The following RASAL2 variants were observed in gnomAD, a reference collection of about 807,000 sequenced individuals.
The protein encoded by RASAL2 is RAS protein activator like 2, also known as ras GTPase-activating protein nGAP.
A neutral mutation model predicts 128.9 loss-of-function variants in RASAL2; 58 were observed. The observed-to-expected ratio is 0.45, with a 90% CI of 0.36 to 0.56. The LOEUF is 0.56. Among genes scored for constraint, RASAL2 ranks in the 20% least tolerant of loss-of-function variants. The pLI is 0.00. For synonymous variants in RASAL2, 561 were observed against 580.8 expected, an observed-to-expected ratio of 0.97 and a Z score of 0.49; for missense variants, 1,360 against 1,601.6, an observed-to-expected ratio of 0.85 and a Z score of 2.57.
rs1182175843 is a variant in RASAL2 at position 178,472,999 on chromosome 1, G to A, written c.3679-76G>A. Reference sequence around the variant, plus strand: ...ATACAACTGTTTGAGAGAAAGCACTGGACTAGTCATTCAGTAAAGAAAGCG... The same window carrying A: ...ATACAACTGTTTGAGAGAAAGCACTAGACTAGTCATTCAGTAAAGAAAGCG... On this transcript the variant is annotated intron_variant, in intron 17 of 17. Transcript: ENST00000367649. 27 of 1,521,560 alleles carry A rather than the reference G, an allele frequency of 1.8e-5. 1 individual carries two copies. In the South Asian group the frequency reaches 3.2e-4, roughly 18 times the overall value. 94.3% of individuals were successfully genotyped at this position (1,521,560 alleles called of 1,614,324 possible).
intron 1 of RASAL2, among the ~76,000 whole-genome samples, chr1:178,276,466 C>G (rs1200492302): frequency 6.6e-6 from 1 of 151,840 alleles, no homozygotes; most frequent in African/African-American, 2.4e-5. Context: ...ATAATTTGAG[C>G]ATAAATCTGC....
rs765224231 is a variant in RASAL2 at position 178,473,114 on chromosome 1, C to A, written c.3718C>A (p.Leu1240Met). 1 of 1,614,212 alleles carries A rather than the reference C, an allele frequency of 6.2e-7. No individual in the cohort carries two copies. The highest frequency in any genetic ancestry group is 1.7e-5 in the Admixed American group (1 of 60,028). The change falls in exon 18 of 18, where the codon CTG becomes ATG. Residue 1240 changes from leucine to methionine, a missense_variant. Physicochemically the swap from Leu to Met is conservative, Grantham distance 15. This residue lies in a region of RASAL2 where 741 missense variants were observed against 868.6 expected (regional missense o/e 0.85). Coordinates refer to ENST00000367649, the MANE Select transcript of RASAL2 (RefSeq NM_170692.4). ...IVSLDSANTR[L>M]MSALTQVKER... ...GTCCCTGGATTCAGCCAACACCAGA[C>A]TGATGAGCGCGCTGACCCAAGTGAA...
chr1:178,151,484 A>G (rs1660913638), intron 1 of RASAL2, among the ~76,000 whole-genome samples: 1 of 152,222 alleles, frequency 6.6e-6, no homozygotes, highest in African/African-American at 2.4e-5. Flanking sequence ...AGTTGATGAA[A>G]ATGTTGTGAC....
intron 3 of RASAL2, among the ~76,000 whole-genome samples, chr1:178,353,530 T>C (rs557375384): frequency 6.6e-6 from 1 of 152,328 alleles, no homozygotes; most frequent in East Asian, 1.9e-4. Flanking sequence ...ATTTAACCAG[T>C]CTCTAGGGAG....
At chr1:178,261,139 C>G (rs1665675267) in intron 1 of RASAL2, among the ~76,000 whole-genome samples, 1 of 152,116 alleles carries the variant, frequency 6.6e-6, no homozygotes, top group Non-Finnish European at 1.5e-5. Flanking sequence ...TGAATTCTCC[C>G]TTTTTTCCTT....
chr1:178,125,528 A>G (rs1019803282), intron 1 of RASAL2: 2 of 152,158 alleles, frequency 1.3e-5, no homozygotes, highest in Non-Finnish European at 2.9e-5. Flanking sequence ...GCTTAAAATC[A>G]TGGTGTTTTA....
chr1:178,140,110 C>G (rs1660473973), intron 1 of RASAL2, among the ~76,000 whole-genome samples: 2 of 152,148 alleles, frequency 1.3e-5, no homozygotes, highest in Admixed American at 6.5e-5. Context: ...GAATCACTGT[C>G]TTTTAAGACT....
At chr1:178,447,331 AAAT>A (rs1677076137) in intron 9 of RASAL2, among the ~76,000 whole-genome samples, 1 of 149,914 alleles carries the variant, frequency 6.7e-6, no homozygotes, top group Non-Finnish European at 1.5e-5. Context: ...TAAAAAAAAT[AAAT>A]AAATAAATAA....
intron 1 of RASAL2, among the ~76,000 whole-genome samples, chr1:178,124,723 A>G (rs536669034): frequency 2.0e-5 from 3 of 152,336 alleles, no homozygotes; most frequent in East Asian, 3.8e-4. Flanking sequence ...ATGATAACCT[A>G]TTAGACCTAT....
At chr1:178,224,462 A>T (rs946414827) in intron 1 of RASAL2, among the ~76,000 whole-genome samples, 6 of 152,252 alleles carry the variant, frequency 3.9e-5, no homozygotes, top group African/African-American at 1.4e-4. Context: ...GAAGTGTTTC[A>T]TTGGGAAGCA....
At chr1:178,364,232 T>G (rs1435347848) in intron 3 of RASAL2, among the ~76,000 whole-genome samples, 1 of 152,178 alleles carries the variant, frequency 6.6e-6, no homozygotes, top group East Asian at 1.9e-4. Flanking sequence ...TTACTTCTCA[T>G]TAAATAACTG....
chr1:178,329,632 A>G (rs1669194616), intron 3 of RASAL2, among the ~76,000 whole-genome samples: 1 of 152,150 alleles, frequency 6.6e-6, no homozygotes, highest in Admixed American at 6.5e-5. Context: ...AGTGAACGTG[A>G]TGTCTAAATA....
chr1:178,403,724 C>T (rs1673795771), intron 4 of RASAL2, among the ~76,000 whole-genome samples: 2 of 151,984 alleles, frequency 1.3e-5, no homozygotes, highest in Non-Finnish European at 2.9e-5. Flanking sequence ...CATACCTAGT[C>T]GGAAACATGG....
At chr1:178,360,749 T>G (rs561613608) in intron 3 of RASAL2, among the ~76,000 whole-genome samples, 1 of 152,352 alleles carries the variant, frequency 6.6e-6, no homozygotes, top group South Asian at 2.1e-4. Flanking sequence ...CGGGGTTGTT[T>G]CCTTCTGAGG....
intron 5 of RASAL2, among the ~76,000 whole-genome samples, chr1:178,422,123 GA>G (rs1675189007): frequency 6.6e-6 from 1 of 151,752 alleles, no homozygotes; most frequent in African/African-American, 2.4e-5. Flanking sequence ...TGGGAGACAA[GA>G]TTTTTTTTTT....
chr1:178,390,620 C>G (rs1672848823), intron 4 of RASAL2, among the ~76,000 whole-genome samples: 1 of 152,082 alleles, frequency 6.6e-6, no homozygotes, highest in Admixed American at 6.6e-5. Flanking sequence ...CTCAAGTGAT[C>G]CCCCTGCCTC....
chr1:178,352,324 T>G (rs150464886), intron 3 of RASAL2, among the ~76,000 whole-genome samples: 205 of 152,350 alleles, frequency 1.3e-3, no homozygotes, highest in African/African-American at 4.7e-3. Context: ...ATGCTGAAAC[T>G]GCAAGCTTTG....
rs1330232405 is a variant in RASAL2 at position 178,133,060 on chromosome 1, C to T, written c.202+38366C>T. Among the ~76,000 whole-genome samples the T allele has an allele frequency of 3.3e-5, 5 of 152,228 alleles. No homozygotes were observed. In the East Asian group the frequency reaches 7.7e-4, roughly 24 times the overall value. On this transcript the variant is annotated intron_variant, in intron 1 of 17. Transcript: ENST00000367649. ...GATTACAGGCGTGAGCCACTGTGCC[C>T]GGCCTACAATTCAGAAATTTAAATG... is the stretch of plus-strand genomic sequence containing the variant.
At chr1:178,411,173 C>CGTGTGT (rs1674353686) in intron 4 of RASAL2, among the ~76,000 whole-genome samples, 2 of 138,772 alleles carry the variant, frequency 1.4e-5, no homozygotes, top group Admixed American at 1.4e-4. Flanking sequence ...TGTACACACA[C>CGTGTGT]ACACACACAC....
Sources: gnomAD v4.1 joint callset for allele counts (sites outside exome capture counted in the v4.1 genomes callset) on GRCh38, gnomAD v4.1.1 for gene constraint, gnomAD v4.1.1 regional missense constraint, MANE v1.5 for transcripts, NCBI Gene and HGNC (gene_info 2026-07-23, HGNC 2026-07-21) for gene names.